MLLT3: variants seen among roughly 807,000 people sequenced by gnomAD.
The protein encoded by MLLT3 is MLLT3 super elongation complex subunit.
MLLT3 carries 4 observed loss-of-function variants against 53.2 expected under a neutral mutation model. The observed-to-expected ratio is 0.08, with a 90% CI of 0.04 to 0.17. MLLT3 has a LOEUF of 0.17. Ranked by LOEUF, MLLT3 falls within the 10% of genes least tolerant of loss-of-function variation. The probability of loss-of-function intolerance (pLI) is 1.00; values close to 1 mark genes in which losing one functional copy is unlikely to be tolerated. For missense variants in MLLT3, 569 were observed against 684.0 expected (o/e 0.83, Z 1.87); for synonymous variants, 283 against 230.6 (o/e 1.23, Z -2.06).
rs1235872840 is a variant in MLLT3, at chr9:20,391,707, CA to C, written c.1125+22013del. ...TTATTGCATTTAATATTACTTCCAT[CA>C]ACTACCATGTTTTTCCTAAAACAAG... is the stretch of plus-strand genomic sequence containing the variant. On this transcript the variant is annotated intron_variant, in intron 5 of 10. Coordinates refer to ENST00000380338, the MANE Select transcript of MLLT3 (RefSeq NM_004529.4). Among the ~76,000 whole-genome samples the C allele has an allele frequency of 2.8e-4, 42 of 152,276 alleles. 2 individuals carry two copies. The East Asian group carries it at 6.8e-3, about 24-fold the overall frequency.
chr9:20,402,634 T>C (rs1056755874), intron 5 of MLLT3, among the ~76,000 whole-genome samples: 16 of 152,212 alleles, frequency 1.1e-4, no homozygotes, highest in African/African-American at 3.9e-4. Context: ...GATACCTAAA[T>C]GTGTCATTTT....
intron 2 of MLLT3, among the ~76,000 whole-genome samples, chr9:20,607,709 T>TA (rs1327227505): frequency 2.0e-5 from 3 of 152,106 alleles, no homozygotes; most frequent in Non-Finnish European, 4.4e-5. Context: ...AGCTTTGCTA[T>TA]GCATTAGTGC....
chr9:20,365,862 T>C, intron 5 of MLLT3, 118 bp from the exon 6 acceptor site: 1 of 929,064 alleles, frequency 1.1e-6, no homozygotes, highest in South Asian at 1.6e-5. Flanking sequence ...CATTTCATTA[T>C]GTCAAATTAC....
chr9:20,483,490 C>A (rs1824720856), intron 2 of MLLT3, among the ~76,000 whole-genome samples: 1 of 151,770 alleles, frequency 6.6e-6, no homozygotes, highest in African/African-American at 2.4e-5. Flanking sequence ...ACCTCAGCCT[C>A]CCAAAATGCC....
At chr9:20,597,672 A>C (rs1292608114) in intron 2 of MLLT3, among the ~76,000 whole-genome samples, 1 of 152,212 alleles carries the variant, frequency 6.6e-6, no homozygotes, top group East Asian at 1.9e-4. Flanking sequence ...AAGATAAGAA[A>C]GTTTTAGCGT....
intron 4 of MLLT3, among the ~76,000 whole-genome samples, chr9:20,439,599 G>C (rs904573629): frequency 2.0e-5 from 3 of 152,050 alleles, no homozygotes; most frequent in African/African-American, 4.8e-5. Context: ...GAAGGGGAGT[G>C]GGGGGATGGC....
chr9:20,395,225 A>C (rs915240335), intron 5 of MLLT3, among the ~76,000 whole-genome samples: 2 of 152,030 alleles, frequency 1.3e-5, no homozygotes, highest in African/African-American at 4.8e-5. Flanking sequence ...CTGGCCTCCA[A>C]CTCCATACTG....
intron 2 of MLLT3, among the ~76,000 whole-genome samples, chr9:20,565,835 C>A (rs1435177311): frequency 2.0e-5 from 3 of 148,572 alleles, no homozygotes; most frequent in Non-Finnish European, 3.0e-5. Context: ...CCATCGTGGG[C>A]ACATTCTAGT....
Position 20,541,257 on chromosome 9 carries a change from G to A in MLLT3, c.193+79397C>T, listed in dbSNP as rs139641272. Among the ~76,000 whole-genome samples, 586 of 152,226 alleles carry A rather than the reference G, an allele frequency of 3.8e-3. 4 individuals carry two copies. Among genetic ancestry groups the A allele is most frequent in the African/African-American group, 0.013 (555 of 41,524 alleles). On this transcript the variant is annotated intron_variant, in intron 2 of 10. Coordinates refer to ENST00000380338, the MANE Select transcript of MLLT3 (RefSeq NM_004529.4). ...TCAACATCTTCCTGTATTCTTCTGAGTCCTCTGAACTGTTCCAACCTCTGC... is the reference window on the plus strand; with the variant it reads ...TCAACATCTTCCTGTATTCTTCTGAATCCTCTGAACTGTTCCAACCTCTGC...
chr9:20,365,022 T>C (rs1347421619), intron 6 of MLLT3, among the ~76,000 whole-genome samples: 1 of 152,182 alleles, frequency 6.6e-6, no homozygotes, highest in Non-Finnish European at 1.5e-5. Flanking sequence ...TATTAACATG[T>C]AGAAAAAAAA....
At chr9:20,433,335 T>C (rs540886772) in intron 4 of MLLT3, among the ~76,000 whole-genome samples, 117 of 152,294 alleles carry the variant, frequency 7.7e-4, no homozygotes, top group South Asian at 2.3e-3. Context: ...TAAATAATGA[T>C]AGTAATAGGT....
intron 5 of MLLT3, among the ~76,000 whole-genome samples, chr9:20,392,509 T>C (rs182105257): frequency 6.1e-4 from 93 of 152,296 alleles, no homozygotes; most frequent in Non-Finnish European, 1.2e-3. Context: ...CCCATCTCCC[T>C]TTTCCTTTAC....
intron 2 of MLLT3, among the ~76,000 whole-genome samples, chr9:20,499,900 TA>T (rs11378982): frequency 6.6e-6 from 1 of 151,288 alleles, no homozygotes; most frequent in Non-Finnish European, 1.5e-5. Context: ...ACCTGTCTCT[TA>T]AAAAAAAATG....
In MLLT3 at chr9:20,343,432, A is replaced by C. The variant is rs1196395272; in HGVS notation, c.*3011T>G. 4.5e-6 allele frequency: 1 copy of C among 220,484 alleles called. No homozygotes were observed. The highest frequency in any genetic ancestry group is 2.2e-5 in the African/African-American group (1 of 44,562). 13.7% of individuals were successfully genotyped at this position (220,484 alleles called of 1,614,324 possible). ...TAGACATACCTATTTGTCTGTATTAAGATTGAGAGAGAGGCAGATTATGCT... is the reference window on the plus strand; with the variant it reads ...TAGACATACCTATTTGTCTGTATTACGATTGAGAGAGAGGCAGATTATGCT... On this transcript the variant is annotated 3_prime_UTR_variant, in exon 11 of 11. Coordinates refer to ENST00000380338, the MANE Select transcript of MLLT3 (RefSeq NM_004529.4).
At chr9:20,495,206 C>G (rs541950449) in intron 2 of MLLT3, among the ~76,000 whole-genome samples, 59 of 152,128 alleles carry the variant, frequency 3.9e-4, no homozygotes, top group African/African-American at 1.3e-3. Context: ...GCAACCATAC[C>G]CAGAATTACA....
chr9:20,456,344 A>G (rs1486952721), intron 3 of MLLT3, among the ~76,000 whole-genome samples: 3 of 152,232 alleles, frequency 2.0e-5, no homozygotes, highest in Non-Finnish European at 4.4e-5. Flanking sequence ...ATTCTTTGCA[A>G]GCCTCAAAAA....
intron 2 of MLLT3, among the ~76,000 whole-genome samples, chr9:20,528,927 A>G (rs541330251): frequency 3.6e-4 from 55 of 152,284 alleles, no homozygotes; most frequent in African/African-American, 1.2e-3. Flanking sequence ...CAAGGCCCCA[A>G]CTGTAGACAG....
chr9:20,587,297 C>T (rs1396686208), intron 2 of MLLT3, among the ~76,000 whole-genome samples: 1 of 151,214 alleles, frequency 6.6e-6, no homozygotes, highest in Non-Finnish European at 1.5e-5. Context: ...TAATCTTTTT[C>T]TTTATTCACT....
chr9:20,593,143 G>A (rs1272282639), intron 2 of MLLT3, among the ~76,000 whole-genome samples: 1 of 152,010 alleles, frequency 6.6e-6, no homozygotes, highest in Non-Finnish European at 1.5e-5. Context: ...GAAGCCACAA[G>A]CATATTTAAA....
Sources: allele counts gnomAD v4.1 joint callset (sites outside exome capture counted in the v4.1 genomes callset), GRCh38; gene constraint gnomAD v4.1.1; transcripts MANE v1.5; gene names NCBI Gene and HGNC (gene_info 2026-07-23, HGNC 2026-07-21).